TSPAN9: variants seen among roughly 807,000 people sequenced by gnomAD.
TSPAN9 encodes tetraspanin-9.
A neutral mutation model predicts 31.0 loss-of-function variants in TSPAN9; 16 were observed. The ratio of observed to expected loss-of-function variants is 0.52; its 90% CI spans 0.35 to 0.78. The LOEUF (loss-of-function observed/expected upper bound fraction) is 0.78, where lower values mean the gene tolerates loss of function less well. Ranked by LOEUF, TSPAN9 falls within the 30% of genes least tolerant of loss-of-function variation. TSPAN9 has a pLI of 0.01. For missense variants in TSPAN9, 272 were observed against 312.5 expected (o/e 0.87, Z 0.98); for synonymous variants, 145 against 121.6 (o/e 1.19, Z -1.27).
chr12:3,081,808 T>TTGTGTGTGTGTG (rs985080707), intron 1 of TSPAN9, among the ~76,000 whole-genome samples: 4 of 58,410 alleles, frequency 6.8e-5, no homozygotes, highest in Admixed American at 2.3e-4. Flanking sequence ...ATCTAAAAAA[T>TTGTGTGTGTGTG]TGTGTGTGTG....
rs951973334 is a variant in TSPAN9 at position 3,280,948 on chromosome 12, G to C, written c.433-250G>C. Among the ~76,000 whole-genome samples the C allele has an allele frequency of 3.3e-5, 5 of 152,090 alleles. No homozygotes were observed. The highest frequency in any genetic ancestry group is 1.2e-4 in the African/African-American group (5 of 41,404). On this transcript the variant is annotated intron_variant, in intron 6 of 8. Coordinates refer to ENST00000011898, the MANE Select transcript of TSPAN9 (RefSeq NM_006675.5). The surrounding 1 kb of genome is among the most constrained non-coding windows in gnomAD (Gnocchi z 4.5). ...GGGCAAGCACAGGGCTGAGCCAAGG[G>C]GCCCAGCCCGAGGGGTGGGCTGCAT...
chr12:3,181,273 C>G (rs144830450), intron 2 of TSPAN9, among the ~76,000 whole-genome samples: 1 of 152,118 alleles, frequency 6.6e-6, no homozygotes, highest in Admixed American at 6.5e-5. Context: ...GTGCCAGGCA[C>G]GGAATCGGGC....
intron 2 of TSPAN9, among the ~76,000 whole-genome samples, chr12:3,097,867 C>T (rs1388738971): frequency 6.6e-6 from 1 of 152,222 alleles, no homozygotes; most frequent in Non-Finnish European, 1.5e-5. Context: ...ATCTCTTTCT[C>T]CCTTCCCCAG....
intron 3 of TSPAN9, among the ~76,000 whole-genome samples, chr12:3,231,669 T>G (rs1020269215): frequency 6.6e-6 from 1 of 152,228 alleles, no homozygotes; most frequent in African/African-American, 2.4e-5. Flanking sequence ...CAACAGATGT[T>G]CGCTTTGGAG....
At chr12:3,194,930 C>T (rs947653273) in intron 2 of TSPAN9, among the ~76,000 whole-genome samples, 9 of 152,218 alleles carry the variant, frequency 5.9e-5, no homozygotes, top group African/African-American at 2.2e-4. Context: ...AAATGGTTTG[C>T]TCGGCAACGA....
At chr12:3,091,381 C>T (rs957442699) in intron 2 of TSPAN9, among the ~76,000 whole-genome samples, 5 of 152,216 alleles carry the variant, frequency 3.3e-5, no homozygotes, top group African/African-American at 9.7e-5. Flanking sequence ...TTTCTCATCA[C>T]CTGCCTTAGT....
At position 3,286,017 on chromosome 12, in the gene TSPAN9, G is replaced by T. The variant is rs1467757476; in HGVS notation, c.*2901G>T. On this transcript the variant is annotated 3_prime_UTR_variant, in exon 9 of 9. Coordinates refer to ENST00000011898, the MANE Select transcript of TSPAN9 (RefSeq NM_006675.5). The surrounding 1 kb of genome is among the most constrained non-coding windows in gnomAD (Gnocchi z 4.1). ...CTCTCTGGAAGGTGGCCCTGCCCCGGACCCTCTTGCAGGTGTCCTGGTTTG... is the reference window on the plus strand; with the variant it reads ...CTCTCTGGAAGGTGGCCCTGCCCCGTACCCTCTTGCAGGTGTCCTGGTTTG... 1 of 152,664 alleles carries T rather than the reference G, an allele frequency of 6.6e-6. No individual in the cohort carries two copies. The highest frequency in any genetic ancestry group is 2.1e-4 in the South Asian group (1 of 4,826). The allele number at this position is 152,664 out of a possible 1,614,324, so 9.5% of individuals were successfully genotyped here.
intron 3 of TSPAN9, among the ~76,000 whole-genome samples, chr12:3,223,659 C>G (rs996531600): frequency 6.6e-6 from 1 of 152,356 alleles, no homozygotes; most frequent in South Asian, 2.1e-4. Context: ...CCAGCAGTCC[C>G]TGCATTTCCT....
At chr12:3,157,291 CG>C (rs1258873491) in intron 2 of TSPAN9, among the ~76,000 whole-genome samples, 1 of 152,068 alleles carries the variant, frequency 6.6e-6, no homozygotes, top group Non-Finnish European at 1.5e-5. Flanking sequence ...TTAGTAGAGA[CG>C]GGGTTTCACC....
intron 2 of TSPAN9, among the ~76,000 whole-genome samples, chr12:3,146,850 C>A (rs1051889895): frequency 2.0e-5 from 3 of 152,166 alleles, no homozygotes; most frequent in Non-Finnish European, 4.4e-5. Flanking sequence ...CCGTGGCCTC[C>A]TGAAAGGGGT....
At chr12:3,132,239 A>C (rs2098330126) in intron 2 of TSPAN9, among the ~76,000 whole-genome samples, 1 of 152,108 alleles carries the variant, frequency 6.6e-6, no homozygotes, top group South Asian at 2.1e-4. Flanking sequence ...TTCATGCACA[A>C]GCTTTTGTTT....
intron 3 of TSPAN9, among the ~76,000 whole-genome samples, chr12:3,240,705 C>T (rs12372121): frequency 0.15 from 23,278 of 152,050 alleles, 1,937 homozygotes; most frequent in East Asian, 0.25. Flanking sequence ...ACTACACCAG[C>T]CTGTCTCTGC....
At chr12:3,174,377 T>A (rs2098353821) in intron 2 of TSPAN9, among the ~76,000 whole-genome samples, 1 of 152,100 alleles carries the variant, frequency 6.6e-6, no homozygotes, top group Non-Finnish European at 1.5e-5. Flanking sequence ...ATTTCCCTCA[T>A]TTGTAAGGAG....
intron 2 of TSPAN9, among the ~76,000 whole-genome samples, chr12:3,103,397 G>A (rs1214263376): frequency 6.6e-6 from 1 of 152,028 alleles, no homozygotes; most frequent in Non-Finnish European, 1.5e-5. Context: ...TATGGGATTT[G>A]CTCACTTATG....
chr12:3,278,609 C>T lies in TSPAN9; in HGVS notation c.252C>T (p.Leu84=). Residue 84 remains leucine, a synonymous_variant, in exon 4 of 9, where the codon CTC becomes CTT. Transcript: ENST00000011898. ...GAIKENKCLL[L]SFFIVLLVIL... is the part of the protein sequence containing the mutation. Reference sequence around the variant, plus strand: ...TCAAGGAAAACAAGTGCCTCCTCCTCAGCGTAAGTTCTGTCCAAATCCCCA... The same window carrying T: ...TCAAGGAAAACAAGTGCCTCCTCCTTAGCGTAAGTTCTGTCCAAATCCCCA... The T allele has an allele frequency of 6.2e-7, 1 of 1,613,752 alleles. No homozygotes were observed. Among genetic ancestry groups the T allele is most frequent in the Non-Finnish European group, 8.5e-7 (1 of 1,179,840 alleles).
chr12:3,282,136 A>G, intron 8 of TSPAN9: 1 of 619,974 alleles, frequency 1.6e-6, no homozygotes, highest in Non-Finnish European at 2.9e-6. Flanking sequence ...CAAGACACAC[A>G]CGGTGTCCCC....
At chr12:3,110,144 G>A (rs1486241343) in intron 2 of TSPAN9, among the ~76,000 whole-genome samples, 1 of 152,068 alleles carries the variant, frequency 6.6e-6, no homozygotes. Flanking sequence ...TTCTGTGGAG[G>A]GGGTAAAGCA....
At chr12:3,108,406 C>G (rs1414047227) in intron 2 of TSPAN9, among the ~76,000 whole-genome samples, 1 of 152,224 alleles carries the variant, frequency 6.6e-6, no homozygotes, top group Admixed American at 6.5e-5. Context: ...CAGGGTTACT[C>G]TCAAGAAGTC....
At position 3,198,080 on chromosome 12, in the gene TSPAN9, T is replaced by C. The variant is rs1352723025; in HGVS notation, c.-17-3097T>C. ...CAGCACAGGCCACCACCAGCACAGG[T>C]CACCACCAGCACAGCTCACCACCAG... On this transcript the variant is annotated intron_variant, in intron 2 of 8. Coordinates refer to ENST00000011898, the MANE Select transcript of TSPAN9 (RefSeq NM_006675.5). Among the ~76,000 whole-genome samples the C allele has an allele frequency of 2.0e-3, 73 of 36,364 alleles. 1 individual carries two copies. Among genetic ancestry groups the C allele is most frequent in the African/African-American group, 6.5e-3 (61 of 9,406 alleles). The allele number at this position is 36,364 out of a possible 152,430, so 23.9% of individuals were successfully genotyped here.
Sources: allele counts gnomAD v4.1 joint callset (sites outside exome capture counted in the v4.1 genomes callset), GRCh38; gene constraint gnomAD v4.1.1; non-coding constraint Gnocchi (gnomAD v3.1); transcripts MANE v1.5; gene names NCBI Gene and HGNC (gene_info 2026-07-23, HGNC 2026-07-21).